Variants in ASTN2 observed in about 807,000 individuals in gnomAD.
ASTN2 encodes the protein astrotactin-2.
A neutral mutation model predicts 139.8 loss-of-function variants in ASTN2; 54 were observed. The ratio of observed to expected loss-of-function variants is 0.39; its 90% CI spans 0.31 to 0.48. ASTN2 has a LOEUF of 0.48. ASTN2 is among the 20% of genes least tolerant of loss of function. ASTN2 has a pLI of 0.95. For missense variants in ASTN2, 1,565 were observed against 1,725.1 expected, an observed-to-expected ratio of 0.91 and a Z score of 1.64; for synonymous variants, 756 against 719.5, an observed-to-expected ratio of 1.05 and a Z score of -0.81.
At chr9:117,131,666 C>A (rs1407954015) in intron 4 of ASTN2, among the ~76,000 whole-genome samples, 1 of 152,142 alleles carries the variant, frequency 6.6e-6, no homozygotes, top group African/African-American at 2.4e-5. Flanking sequence ...CATCTACAAC[C>A]CCCATTATCT....
At chr9:117,260,856 A>G (rs11794931) in intron 2 of ASTN2, among the ~76,000 whole-genome samples, 27,933 of 152,192 alleles carry the variant, frequency 0.18, 2,902 homozygotes, top group African/African-American at 0.27. Flanking sequence ...ACACATTGAC[A>G]AATAATATAT....
At position 117,393,036 on chromosome 9, in the gene ASTN2, A is replaced by G. The variant is rs569112704; in HGVS notation, c.442+21461T>C. On this transcript the variant is annotated intron_variant, in intron 1 of 22. Transcript: ENST00000313400. Reference sequence around the variant, plus strand: ...TGGAGTCACATTTGGTAACAGGAGTAGACAAAGAGGCTACCTGTCAGGAAT... The same window carrying G: ...TGGAGTCACATTTGGTAACAGGAGTGGACAAAGAGGCTACCTGTCAGGAAT... Among the ~76,000 whole-genome samples the G allele has an allele frequency of 5.3e-5, 8 of 152,328 alleles. No homozygotes were observed. In the East Asian group the frequency reaches 1.5e-3, roughly 29 times the overall value.
In ASTN2 at chr9:116,699,498, C is replaced by T. The variant is rs768135611; in HGVS notation, c.2806+26273G>A. On this transcript the variant is annotated intron_variant, in intron 16 of 22. Transcript: ENST00000313400. The surrounding 1 kb of genome is among the most constrained non-coding windows in gnomAD (Gnocchi z 4.2). Reference sequence around the variant, plus strand: ...CATTGCTGGCATGTGTGTGGATGCTCGTGGTGATCTCATCGTGGCTGACAG... The same window carrying T: ...CATTGCTGGCATGTGTGTGGATGCTTGTGGTGATCTCATCGTGGCTGACAG... 3.7e-6 allele frequency: 6 copies of T among 1,613,634 alleles called. No individual in the cohort carries two copies. The highest frequency in any genetic ancestry group is 1.7e-5 in the Admixed American group (1 of 59,992).
intron 2 of ASTN2, among the ~76,000 whole-genome samples, chr9:117,221,559 C>T (rs1588099623): frequency 6.6e-6 from 1 of 152,190 alleles, no homozygotes; most frequent in Admixed American, 6.5e-5. Context: ...CTCTGTTCTG[C>T]AGTGATAAGA....
intron 19 of ASTN2, among the ~76,000 whole-genome samples, chr9:116,588,432 A>T (rs1854247418): frequency 6.6e-6 from 1 of 152,190 alleles, no homozygotes; most frequent in South Asian, 2.1e-4. Flanking sequence ...GTGGGGTCAT[A>T]GCAACAGACA....
intron 2 of ASTN2, among the ~76,000 whole-genome samples, chr9:117,253,987 A>T (rs1049640117): frequency 6.6e-6 from 1 of 152,120 alleles, no homozygotes; most frequent in Non-Finnish European, 1.5e-5. Flanking sequence ...CTACCTCCCC[A>T]GCCCTGAACA....
At chr9:116,477,083 C>T (rs1849004610) in intron 20 of ASTN2, among the ~76,000 whole-genome samples, 1 of 152,142 alleles carries the variant, frequency 6.6e-6, no homozygotes, top group Admixed American at 6.5e-5. Flanking sequence ...TGCCCTGTCC[C>T]TCTGGAACCC....
At chr9:117,276,722 G>A (rs1406341672) in intron 2 of ASTN2, among the ~76,000 whole-genome samples, 1 of 152,108 alleles carries the variant, frequency 6.6e-6, no homozygotes, top group Admixed American at 6.5e-5. Flanking sequence ...CGGGGGAGAG[G>A]GGGATGAGAT....
chr9:116,596,979 T>A (rs1285962867), intron 19 of ASTN2, among the ~76,000 whole-genome samples: 5 of 152,210 alleles, frequency 3.3e-5, no homozygotes, highest in African/African-American at 9.6e-5. Flanking sequence ...TGCTCTCACG[T>A]GTCAAGTTAG....
At chr9:116,946,338 C>T (rs1835394223) in intron 10 of ASTN2, among the ~76,000 whole-genome samples, 1 of 152,176 alleles carries the variant, frequency 6.6e-6, no homozygotes, top group African/African-American at 2.4e-5. Context: ...TGAAAAAATG[C>T]AGAGACATCC....
chr9:117,301,172 C>T (rs1834866791), intron 1 of ASTN2, among the ~76,000 whole-genome samples: 1 of 152,152 alleles, frequency 6.6e-6, no homozygotes, highest in African/African-American at 2.4e-5. Flanking sequence ...TTCCCTCTCT[C>T]CTTGCTGTAT....
In ASTN2 at chr9:117,414,879, CGGCCGCCCCCGGAGCCCCGAGCCGG is replaced by C; in HGVS notation, c.35_59del (p.Pro12ArgfsTer46). On this transcript the variant is annotated frameshift_variant, in exon 1 of 23. Coordinates refer to ENST00000313400, the MANE Select transcript of ASTN2 (RefSeq NM_001365068.1). LOFTEE classifies it high-confidence loss of function. The surrounding 1 kb of genome is among the most constrained non-coding windows in gnomAD (Gnocchi z 4.2). ...GCGGCCCCGGGTGGAAGCAGAGCCT[CGGCCGCCCCCGGAGCCCCGAGCCGG>C]GGCCGGGGCTGAGCCGGGCGCCGGC... The C allele has an allele frequency of 1.1e-6, 1 of 909,014 alleles. No individual in the cohort carries two copies. The highest frequency in any genetic ancestry group is 5.1e-5 in the East Asian group (1 of 19,670). The allele number at this position is 909,014 out of a possible 1,614,324, so 56.3% of individuals were successfully genotyped here. A position where few individuals can be genotyped will look rare whatever the true frequency, so the allele number is the denominator to read the frequency against.
chr9:117,339,008 G>A (rs56277912), intron 1 of ASTN2, among the ~76,000 whole-genome samples: 4 of 151,998 alleles, frequency 2.6e-5, no homozygotes, highest in South Asian at 4.1e-4. Context: ...GACTGACTGC[G>A]GGTGATGATG....
In ASTN2 at chr9:116,595,496, T is replaced by C. The variant is rs1484977548; in HGVS notation, c.3355+22828A>G. 2.0e-5 allele frequency among the ~76,000 whole-genome samples: 3 copies of C among 152,116 alleles called. 1 individual carries two copies. Among genetic ancestry groups the C allele is most frequent in the Non-Finnish European group, 4.4e-5 (3 of 68,032 alleles). On this transcript the variant is annotated intron_variant, in intron 19 of 22. Coordinates refer to ENST00000313400, the MANE Select transcript of ASTN2 (RefSeq NM_001365068.1). ...GGCGCACCACCATGCCTGGCTAATTTTTGAATTTTCAGTAGAGACGGGGTT... is the reference window on the plus strand; with the variant it reads ...GGCGCACCACCATGCCTGGCTAATTCTTGAATTTTCAGTAGAGACGGGGTT...
At chr9:117,079,178 A>C (rs1170766612) in intron 5 of ASTN2, among the ~76,000 whole-genome samples, 1 of 152,166 alleles carries the variant, frequency 6.6e-6, no homozygotes, top group Admixed American at 6.5e-5. Context: ...CAACATAGTA[A>C]GATCCTGCCT....
intron 10 of ASTN2, among the ~76,000 whole-genome samples, chr9:116,925,532 T>C (rs1279658206): frequency 6.6e-6 from 1 of 152,168 alleles, no homozygotes; most frequent in Non-Finnish European, 1.5e-5. Flanking sequence ...TGTACACACA[T>C]ACTCACATGT....
At chr9:117,060,799 G>T (rs537524503) in intron 5 of ASTN2, among the ~76,000 whole-genome samples, 2 of 152,056 alleles carry the variant, frequency 1.3e-5, no homozygotes, top group Non-Finnish European at 2.9e-5. Flanking sequence ...GGAGGCTGAG[G>T]CAGAAGAATA....
At chr9:117,062,873 C>G (rs183982751) in intron 5 of ASTN2, among the ~76,000 whole-genome samples, 32 of 152,276 alleles carry the variant, frequency 2.1e-4, no homozygotes, top group Non-Finnish European at 3.5e-4. Context: ...GAAACTTATT[C>G]ATAACCATAT....
intron 19 of ASTN2, chr9:116,583,529 C>T (rs567718919): frequency 5.3e-5 from 8 of 151,248 alleles, no homozygotes; most frequent in African/African-American, 1.5e-4. Flanking sequence ...TCCTTAACTA[C>T]ATAAAGCCTT....
Sources: allele counts gnomAD v4.1 joint callset (sites outside exome capture counted in the v4.1 genomes callset), GRCh38; gene constraint gnomAD v4.1.1; non-coding constraint Gnocchi (gnomAD v3.1); transcripts MANE v1.5; gene names NCBI Gene and HGNC (gene_info 2026-07-23, HGNC 2026-07-21).